The following OPRM1 variants were observed in gnomAD, a reference collection of about 807,000 sequenced individuals.
The protein encoded by OPRM1 is mu-type opioid receptor.
A neutral mutation model predicts 31.8 loss-of-function variants in OPRM1; 27 were observed. The ratio of observed to expected loss-of-function variants is 0.85; its 90% CI spans 0.63 to 1.17. The LOEUF (loss-of-function observed/expected upper bound fraction) is 1.17, where lower values mean the gene tolerates loss of function less well. Ranked by LOEUF, OPRM1 falls within the 50% of genes most tolerant of loss-of-function variation. The pLI is 0.00. For missense variants in OPRM1, 536 were observed against 511.1 expected (o/e 1.05, Z -0.47); for synonymous variants, 196 against 189.9 (o/e 1.03, Z -0.26).
intron 3 of OPRM1, among the ~76,000 whole-genome samples, chr6:154,117,702 C>T (rs1020076464): frequency 6.6e-6 from 1 of 152,156 alleles, no homozygotes; most frequent in African/African-American, 2.4e-5. Flanking sequence ...ACAGTTAGAC[C>T]TTGTAATTTG....
At chr6:154,239,975 TACAGGCGTGAGCC>T (rs1485316218) in intron 3 of OPRM1, among the ~76,000 whole-genome samples, 6 of 152,200 alleles carry the variant, frequency 3.9e-5, no homozygotes. Flanking sequence ...GTGCTGGGAC[TACAGGCGTGAGCC>T]ACAGCACCCA....
chr6:154,037,928 G>T (rs1779413765), upstream of OPRM1, among the ~76,000 whole-genome samples: 1 of 152,146 alleles, frequency 6.6e-6, no homozygotes, highest in Admixed American at 6.5e-5. Context: ...CAGGCAGACA[G>T]ATTTCAGCTC....
At chr6:154,208,391 C>T (rs141392741) in intron 3 of OPRM1, among the ~76,000 whole-genome samples, 1 of 152,174 alleles carries the variant, frequency 6.6e-6, no homozygotes, top group African/African-American at 2.4e-5. Context: ...AGCTCTCAGT[C>T]GGACGTGTCC....
intron 3 of OPRM1, among the ~76,000 whole-genome samples, chr6:154,104,847 G>C (rs1402181874): frequency 2.0e-5 from 3 of 152,138 alleles, no homozygotes; most frequent in Non-Finnish European, 4.4e-5. Context: ...CCCAGCCATG[G>C]GTTTGTACCC....
intron 3 of OPRM1, among the ~76,000 whole-genome samples, chr6:154,181,356 G>A (rs751059881): frequency 5.3e-5 from 8 of 152,044 alleles, no homozygotes; most frequent in Non-Finnish European, 1.2e-4. Context: ...TTAGACCAAC[G>A]TTATTTCATT....
intron 3 of OPRM1, among the ~76,000 whole-genome samples, chr6:154,208,100 TGGAA>T (rs59869400): frequency 0.055 from 8,300 of 152,256 alleles, 313 homozygotes; most frequent in East Asian, 0.2. Flanking sequence ...CCATTTGAAA[TGGAA>T]GTTGATTATA....
intron 3 of OPRM1, among the ~76,000 whole-genome samples, chr6:154,141,688 C>A (rs932085060): frequency 6.6e-6 from 1 of 152,198 alleles, no homozygotes; most frequent in African/African-American, 2.4e-5. Flanking sequence ...CAGGACAACG[C>A]GAAGCGGGCA....
chr6:154,108,121 CG>C (rs1795880102), intron 3 of OPRM1: 6 of 590,972 alleles, frequency 1.0e-5, no homozygotes, highest in Non-Finnish European at 1.8e-5. Context: ...ATCCGGCTTG[CG>C]GCACCATCGC....
At chr6:154,224,536 C>T (rs1193556773) in intron 3 of OPRM1, among the ~76,000 whole-genome samples, 1 of 151,984 alleles carries the variant, frequency 6.6e-6, no homozygotes. Flanking sequence ...GGTGAAACCC[C>T]ATCTCTACTA....
intron 3 of OPRM1, among the ~76,000 whole-genome samples, chr6:154,241,471 C>A (rs1780588755): frequency 6.6e-6 from 1 of 152,072 alleles, no homozygotes; most frequent in Non-Finnish European, 1.5e-5. Context: ...AAATTCCACC[C>A]TTCTTACTCA....
rs1344140953 is a variant in OPRM1, at chr6:154,126,714, C to A, written c.*7993C>A. ...TTCACTGCTCTGTGTTAGGAAGGCT[C>A]AGTGACAGGTGTACAGCCTTCAGTA... On this transcript the variant is annotated 3_prime_UTR_variant, in exon 4 of 4. Coordinates refer to ENST00000330432, the MANE Select transcript of OPRM1 (RefSeq NM_000914.5). Among the ~76,000 whole-genome samples the A allele has an allele frequency of 1.3e-5, 2 of 152,084 alleles. No homozygotes were observed. Among genetic ancestry groups the A allele is most frequent in the Admixed American group, 6.5e-5 (1 of 15,268 alleles).
chr6:154,186,189 T>A (rs1464463071), intron 3 of OPRM1, among the ~76,000 whole-genome samples: 1 of 152,248 alleles, frequency 6.6e-6, no homozygotes, highest in Non-Finnish European at 1.5e-5. Flanking sequence ...CAGACTTGAC[T>A]TCTCTACCTG....
intron 3 of OPRM1, among the ~76,000 whole-genome samples, chr6:154,235,919 G>A (rs924670602): frequency 1.8e-4 from 28 of 152,206 alleles, no homozygotes; most frequent in Non-Finnish European, 1.9e-4. Flanking sequence ...TGAGGATGTA[G>A]AGAAAATGGA....
In OPRM1 at chr6:154,090,027, T is replaced by G; in HGVS notation, c.492T>G (p.Ser164Arg). Residue 164 changes from serine to arginine, a missense_variant, in exon 2 of 4, where the codon AGT becomes AGG. By Grantham distance (110) the Ser-to-Arg change is moderately radical (BLOSUM62 -1). Coordinates refer to ENST00000330432, the MANE Select transcript of OPRM1 (RefSeq NM_000914.5). ...GCATATTCACCCTCTGCACCATGAG[T>G]GTTGATCGATACATTGCAGTCTGCC... The part of the protein sequence containing the change: ...FTSIFTLCTM[S>R]VDRYIAVCHP... 6.2e-7 allele frequency: 1 copy of G among 1,614,018 alleles called. No homozygotes were observed. Among genetic ancestry groups the G allele is most frequent in the Non-Finnish European group, 8.5e-7 (1 of 1,179,958 alleles).
At chr6:154,224,294 T>C (rs1329999604) in intron 3 of OPRM1, among the ~76,000 whole-genome samples, 2 of 152,234 alleles carry the variant, frequency 1.3e-5, no homozygotes, top group African/African-American at 4.8e-5. Context: ...AGAGTGCAAC[T>C]TGCATTCTTT....
intron 3 of OPRM1, among the ~76,000 whole-genome samples, chr6:154,206,813 G>A (rs957463494): frequency 4.6e-5 from 7 of 152,218 alleles, no homozygotes; most frequent in Admixed American, 1.3e-4. Context: ...CTACAGGTAC[G>A]AGGGCAGGAA....
At chr6:154,094,297 T>G (rs1175106651) in intron 3 of OPRM1, 1 of 1,064,024 alleles carries the variant, frequency 9.4e-7, no homozygotes, top group South Asian at 1.3e-5. Context: ...CAAAGTGGAG[T>G]GGCGATTTGG....
intron 3 of OPRM1, among the ~76,000 whole-genome samples, chr6:154,177,641 A>C (rs1188686712): frequency 6.6e-6 from 1 of 152,228 alleles, no homozygotes; most frequent in East Asian, 1.9e-4. Context: ...AGGAAATAAC[A>C]GATGCTGGAG....
At position 154,130,900 on chromosome 6, in the gene OPRM1, G is replaced by C. The variant is rs977551782; in HGVS notation, c.*12179G>C. Reference sequence around the variant, plus strand: ...GAACTTTTACATACTTAAATAGCCAGTTATGAAAATGTAAAACAATGAGTG... The same window carrying C: ...GAACTTTTACATACTTAAATAGCCACTTATGAAAATGTAAAACAATGAGTG... On this transcript the variant is annotated 3_prime_UTR_variant, in exon 4 of 4. Coordinates refer to ENST00000330432, the MANE Select transcript of OPRM1 (RefSeq NM_000914.5). 6.6e-6 allele frequency among the ~76,000 whole-genome samples: 1 copy of C among 151,794 alleles called. No individual in the cohort carries two copies. The highest frequency in any genetic ancestry group is 6.6e-5 in the Admixed American group (1 of 15,222).
Sources: gnomAD v4.1 joint callset for allele counts (sites outside exome capture counted in the v4.1 genomes callset) on GRCh38, gnomAD v4.1.1 for gene constraint, MANE v1.5 for transcripts, NCBI Gene and HGNC (gene_info 2026-07-23, HGNC 2026-07-21) for gene names.